Variants in CNTN6 observed in about 807,000 individuals in gnomAD.
CNTN6 encodes contactin 6, also known as contactin-6.
Under a neutral mutation model 122.8 loss-of-function variants are expected in CNTN6, and 137 were observed. The observed-to-expected ratio is 1.12, with a 90% CI of 0.97 to 1.29. The LOEUF is 1.29. Among genes scored for constraint, CNTN6 ranks in the 50% most tolerant of loss-of-function variants. CNTN6 has a pLI of 0.00. For synonymous variants in CNTN6, 570 were observed against 426.0 expected (o/e 1.34, Z -4.16); for missense variants, 1,634 against 1,223.4 (o/e 1.34, Z -5.01).
chr3:1,389,319 A>G (rs1053186773), intron 20 of CNTN6, among the ~76,000 whole-genome samples: 1 of 152,270 alleles, frequency 6.6e-6, no homozygotes, highest in African/African-American at 2.4e-5. Context: ...ACTAAGCTTC[A>G]TAAGTGAAGG....
intron 1 of CNTN6, among the ~76,000 whole-genome samples, chr3:1,143,800 A>G (rs1469451948): frequency 6.6e-6 from 1 of 152,240 alleles, no homozygotes; most frequent in Non-Finnish European, 1.5e-5. Flanking sequence ...ATAAGCAATC[A>G]GATGATAAAG....
At chr3:1,113,688 A>G (rs1415967028) in intron 1 of CNTN6, among the ~76,000 whole-genome samples, 1 of 152,192 alleles carries the variant, frequency 6.6e-6, no homozygotes, top group African/African-American at 2.4e-5. Context: ...GGACTCAGGT[A>G]GTTAGGATGT....
chr3:1,094,781 A>T (rs1345239946), intron 1 of CNTN6, among the ~76,000 whole-genome samples: 1 of 152,066 alleles, frequency 6.6e-6, no homozygotes, highest in Non-Finnish European at 1.5e-5. Context: ...TTTAGTAAGT[A>T]AAAATGCTCA....
At chr3:1,292,040 TG>T (rs1469678501) in intron 5 of CNTN6, among the ~76,000 whole-genome samples, 1 of 152,150 alleles carries the variant, frequency 6.6e-6, no homozygotes, top group Non-Finnish European at 1.5e-5. Context: ...AATTTTTTTT[TG>T]CTACATCCCG....
At chr3:1,164,743 T>G (rs1470241308) in intron 2 of CNTN6, among the ~76,000 whole-genome samples, 1 of 152,224 alleles carries the variant, frequency 6.6e-6, no homozygotes, top group Admixed American at 6.5e-5. Flanking sequence ...CATTTAGTTT[T>G]TAGGCAGCAG....
chr3:1,175,561 A>T (rs78172264), intron 2 of CNTN6, among the ~76,000 whole-genome samples: 13,591 of 152,238 alleles, frequency 0.089, 798 homozygotes, highest in Middle Eastern at 0.15. Context: ...GTCCTTTTAC[A>T]AATTACTAAG....
intron 17 of CNTN6, 67 bp from the exon 18 acceptor site, chr3:1,382,875 T>TAAAC (rs1692123120): frequency 1.9e-6 from 2 of 1,033,176 alleles, no homozygotes; most frequent in Admixed American, 2.0e-5. Flanking sequence ...AAATAATCAA[T>TAAAC]AAACATTATA....
At position 1,372,390 on chromosome 3, in the gene CNTN6, C is replaced by A. The variant is rs756112961; in HGVS notation, c.1584C>A (p.Ser528=). Residue 528 remains serine (S), a synonymous_variant, in exon 13 of 23, where the codon TCC becomes TCA. Transcript: ENST00000446702. ...VLPCQVSHDP[S]IEVVFVWFFN... ...CATGCCAGGTGTCCCATGACCCCTC[C>A]ATTGAAGTGGTATTTGTATGGTTTT... 5.6e-6 allele frequency: 9 copies of A among 1,613,198 alleles called. No individual in the cohort carries two copies. Among genetic ancestry groups the A allele is most frequent in the Non-Finnish European group, 7.6e-6 (9 of 1,179,450 alleles).
chr3:1,364,570 T>G (rs1707944373), intron 12 of CNTN6, among the ~76,000 whole-genome samples: 1 of 151,902 alleles, frequency 6.6e-6, no homozygotes, highest in Non-Finnish European at 1.5e-5. Context: ...ATTATACATT[T>G]AACTGCCATC....
intron 1 of CNTN6, among the ~76,000 whole-genome samples, chr3:1,132,160 C>G (rs548656207): frequency 8.6e-4 from 131 of 152,206 alleles, no homozygotes; most frequent in Non-Finnish European, 1.5e-3. Context: ...AAATATGTAA[C>G]TGTGTTTATG....
At chr3:1,153,208 A>G (rs1045291904) in intron 2 of CNTN6, among the ~76,000 whole-genome samples, 5 of 152,184 alleles carry the variant, frequency 3.3e-5, no homozygotes, top group African/African-American at 9.7e-5. Flanking sequence ...ACTTGGTTTT[A>G]TCATGAAGAA....
At chr3:1,320,186 T>A (rs959860308) in intron 7 of CNTN6, among the ~76,000 whole-genome samples, 3 of 151,758 alleles carry the variant, frequency 2.0e-5, no homozygotes, top group African/African-American at 7.2e-5. Context: ...TGATAATAAT[T>A]ATTTTTTACT....
intron 11 of CNTN6, among the ~76,000 whole-genome samples, chr3:1,335,366 T>A (rs933172698): frequency 1.3e-5 from 2 of 152,170 alleles, no homozygotes; most frequent in African/African-American, 4.8e-5. Context: ...AATTACAGAT[T>A]AAGTTTATCT....
At chr3:1,385,927 C>G (rs899689609) in intron 20 of CNTN6, 130 bp downstream of exon 20, 1 of 806,762 alleles carries the variant, frequency 1.2e-6, no homozygotes, top group East Asian at 2.8e-5. Context: ...TGGTTTGTCC[C>G]TTAAATATGG....
chr3:1,336,011 C>T (rs1444690740), intron 11 of CNTN6, among the ~76,000 whole-genome samples: 2 of 151,942 alleles, frequency 1.3e-5, no homozygotes, highest in Non-Finnish European at 2.9e-5. Flanking sequence ...GATTGTGCCA[C>T]TGCACTCCAG....
chr3:1,282,492 T>G (rs1290367462), intron 5 of CNTN6, among the ~76,000 whole-genome samples: 1 of 152,248 alleles, frequency 6.6e-6, no homozygotes, highest in Non-Finnish European at 1.5e-5. Flanking sequence ...ATTTCTCTTT[T>G]AATCCTATTC....
intron 20 of CNTN6, among the ~76,000 whole-genome samples, chr3:1,393,507 T>G (rs1226327009): frequency 6.9e-6 from 1 of 144,426 alleles, no homozygotes; most frequent in South Asian, 2.3e-4. Context: ...TGTATACATA[T>G]GTAACTAACC....
chr3:1,182,762 T>C (rs2093575149), intron 2 of CNTN6, among the ~76,000 whole-genome samples: 1 of 152,142 alleles, frequency 6.6e-6, no homozygotes, highest in African/African-American at 2.4e-5. Flanking sequence ...GTTCCAGCTA[T>C]AAAAGTGTAA....
intron 4 of CNTN6, among the ~76,000 whole-genome samples, chr3:1,241,424 G>T (rs1044351823): frequency 2.6e-5 from 4 of 151,704 alleles, no homozygotes; most frequent in African/African-American, 9.7e-5. Flanking sequence ...GTCTTGTGGT[G>T]AGGGGTGATA....
Sources: allele counts gnomAD v4.1 joint callset (sites outside exome capture counted in the v4.1 genomes callset), GRCh38; gene constraint gnomAD v4.1.1; transcripts MANE v1.5; gene names NCBI Gene and HGNC (gene_info 2026-07-23, HGNC 2026-07-21).